Variants in ZFHX3 observed in about 807,000 individuals in gnomAD.
ZFHX3 encodes the protein zinc finger homeobox 3.
ZFHX3 carries 42 observed loss-of-function variants against 279.1 expected under a neutral mutation model. That is an observed-to-expected ratio of 0.15 (90% confidence interval 0.12 to 0.19). The LOEUF is 0.19. Among genes scored for constraint, ZFHX3 ranks in the 10% least tolerant of loss-of-function variants. The pLI, the probability that ZFHX3 is intolerant of heterozygous loss-of-function variation, is 1.00. For synonymous variants in ZFHX3, 2,293 were observed against 1,957.8 expected, an observed-to-expected ratio of 1.17 and a Z score of -4.52; for missense variants, 4,981 against 4,754.0, an observed-to-expected ratio of 1.05 and a Z score of -1.40.
intron 4 of ZFHX3, among the ~76,000 whole-genome samples, chr16:72,836,670 A>T (rs2037200030): frequency 6.6e-6 from 1 of 152,114 alleles, no homozygotes; most frequent in African/African-American, 2.4e-5. Context: ...AAAAACACCA[A>T]CCAACTTTGC....
chr16:73,820,506 A>G (rs1158118297), intron 1 of ZFHX3, among the ~76,000 whole-genome samples: 1 of 152,064 alleles, frequency 6.6e-6, no homozygotes, highest in Non-Finnish European at 1.5e-5. Context: ...CATGTGGATG[A>G]TAGGTTCTGG....
chr16:72,877,078 A>G (rs1399318995), intron 4 of ZFHX3, among the ~76,000 whole-genome samples: 1 of 152,250 alleles, frequency 6.6e-6, no homozygotes, highest in African/African-American at 2.4e-5. Flanking sequence ...AATAGTCTAC[A>G]TTCCTGATTA....
chr16:73,324,351 C>T (rs2143206202), intron 3 of ZFHX3, among the ~76,000 whole-genome samples: 1 of 152,232 alleles, frequency 6.6e-6, no homozygotes, highest in East Asian at 1.9e-4. Context: ...TTGGATTGAT[C>T]TTTGAGTGTG....
At chr16:73,783,237 C>A (rs1040688911) in intron 1 of ZFHX3, among the ~76,000 whole-genome samples, 1 of 152,194 alleles carries the variant, frequency 6.6e-6, no homozygotes, top group Non-Finnish European at 1.5e-5. Context: ...ACCCTCATTC[C>A]CCAGTTAGAG....
chr16:72,986,955 G>C (rs1343225791), intron 1 of ZFHX3, among the ~76,000 whole-genome samples: 4 of 152,124 alleles, frequency 2.6e-5, no homozygotes, highest in South Asian at 4.1e-4. Context: ...AGATCAGCCT[G>C]GGTAACACGA....
Position 73,533,407 on chromosome 16 carries a change from C to T in ZFHX3, c.-1546-77149G>A, listed in dbSNP as rs544040455. Among the ~76,000 whole-genome samples the T allele has an allele frequency of 5.3e-5, 8 of 149,712 alleles. 1 individual carries two copies. Among genetic ancestry groups the T allele is most frequent in the South Asian group, 2.2e-4 (1 of 4,580 alleles). ...ACTTTACTTCATACTAGATCCTATTCGTGCCAACAGAAGGCTCTCTCTCCA... is the reference window on the plus strand; with the variant it reads ...ACTTTACTTCATACTAGATCCTATTTGTGCCAACAGAAGGCTCTCTCTCCA... On this transcript the variant is annotated intron_variant, in intron 2 of 17. Transcript: ENST00000641206.
At chr16:72,999,870 C>G (rs1963431135) in intron 1 of ZFHX3, among the ~76,000 whole-genome samples, 1 of 152,228 alleles carries the variant, frequency 6.6e-6, no homozygotes, top group Non-Finnish European at 1.5e-5. Context: ...CACTGGCAAG[C>G]TGAAAGCTTC....
intron 3 of ZFHX3, among the ~76,000 whole-genome samples, chr16:73,350,614 C>G (rs777601653): frequency 9.9e-5 from 15 of 152,174 alleles, no homozygotes; most frequent in Non-Finnish European, 2.2e-4. Flanking sequence ...AGAGTTGGCC[C>G]TATGTGGGAT....
chr16:73,799,145 A>G lies in ZFHX3; in HGVS notation c.-1608+92506T>C, dbSNP rs1047914482. Among the ~76,000 whole-genome samples the G allele has an allele frequency of 2.6e-5, 4 of 152,202 alleles. No individual in the cohort carries two copies. In the East Asian group the frequency reaches 7.7e-4, roughly 29 times the overall value. On this transcript the variant is annotated intron_variant, in intron 1 of 17. Transcript: ENST00000641206. ...ACCCTGGAGGCACCAATGAGGTGATAGAGGTGAGATGAGAAGGCAACCCTA... is the reference window on the plus strand; with the variant it reads ...ACCCTGGAGGCACCAATGAGGTGATGGAGGTGAGATGAGAAGGCAACCCTA...
intron 5 of ZFHX3, among the ~76,000 whole-genome samples, chr16:73,171,852 A>G (rs548849722): frequency 1.3e-5 from 2 of 152,252 alleles, no homozygotes; most frequent in South Asian, 4.1e-4. Context: ...GCCCTCCTCA[A>G]CTGTTCCCAA....
intron 4 of ZFHX3, among the ~76,000 whole-genome samples, chr16:73,261,692 T>A (rs2013831007): frequency 7.8e-6 from 1 of 128,932 alleles, no homozygotes; most frequent in East Asian, 2.6e-4. Flanking sequence ...TTTTTTTTTT[T>A]AGGACAGAGT....
At chr16:72,964,264 A>G (rs1185292121) in intron 1 of ZFHX3, among the ~76,000 whole-genome samples, 1 of 152,250 alleles carries the variant, frequency 6.6e-6, no homozygotes, top group East Asian at 1.9e-4. Context: ...TATTCATGAA[A>G]AACATAACAG....
chr16:73,449,953 AC>A (rs1373431534), intron 3 of ZFHX3, among the ~76,000 whole-genome samples: 1 of 152,166 alleles, frequency 6.6e-6, no homozygotes, highest in African/African-American at 2.4e-5. Context: ...TTAAATTCTA[AC>A]CTAACAATGT....
chr16:73,248,665 GCAC>G (rs1567429975), intron 5 of ZFHX3, among the ~76,000 whole-genome samples: 1 of 150,344 alleles, frequency 6.7e-6, no homozygotes, highest in Non-Finnish European at 1.5e-5. Context: ...GTGTGTGTGT[GCAC>G]GTGCACGTGT....
chr16:73,702,943 A>G (rs1370083964), intron 1 of ZFHX3, among the ~76,000 whole-genome samples: 1 of 152,164 alleles, frequency 6.6e-6, no homozygotes, highest in Admixed American at 6.5e-5. Flanking sequence ...TGGTGTCGGT[A>G]TAATTATGGA....
intron 4 of ZFHX3, among the ~76,000 whole-genome samples, chr16:72,831,306 C>T (rs143950973): frequency 5.3e-4 from 80 of 152,264 alleles, no homozygotes; most frequent in African/African-American, 1.9e-3. Context: ...TGTCACGGAA[C>T]GTTCTTTCTT....
At chr16:73,542,875 G>A (rs908987359) in intron 2 of ZFHX3, among the ~76,000 whole-genome samples, 12 of 152,208 alleles carry the variant, frequency 7.9e-5, no homozygotes, top group African/African-American at 2.6e-4. Flanking sequence ...TGTGTGTTGG[G>A]AAGGGGTTAG....
chr16:73,428,230 A>T (rs554792620), intron 3 of ZFHX3, among the ~76,000 whole-genome samples: 9 of 152,140 alleles, frequency 5.9e-5, no homozygotes, highest in Non-Finnish European at 1.0e-4. Context: ...CAGTGACCCC[A>T]GGGTCGGGGG....
chr16:73,397,072 C>T (rs2017145173), intron 3 of ZFHX3, among the ~76,000 whole-genome samples: 1 of 152,224 alleles, frequency 6.6e-6, no homozygotes, highest in South Asian at 2.1e-4. Context: ...CTTTGCTTAT[C>T]CAGCTGCTCT....
Sources: gnomAD v4.1 joint callset for allele counts (sites outside exome capture counted in the v4.1 genomes callset) on GRCh38, gnomAD v4.1.1 for gene constraint, MANE v1.5 for transcripts, NCBI Gene and HGNC (gene_info 2026-07-23, HGNC 2026-07-21) for gene names.